Variants in BRINP3 observed in about 807,000 individuals in gnomAD.
BRINP3 encodes the protein BMP/retinoic acid-inducible neural-specific protein 3.
Under a neutral mutation model 71.0 loss-of-function variants are expected in BRINP3, and 19 were observed. That is an observed-to-expected ratio of 0.27 (90% confidence interval 0.19 to 0.39). BRINP3 has a LOEUF of 0.39. Among genes scored for constraint, BRINP3 ranks in the 10% least tolerant of loss-of-function variants. BRINP3 has a pLI of 1.00. For synonymous variants in BRINP3, 380 were observed against 337.7 expected (o/e 1.13, Z -1.37); for missense variants, 959 against 940.8 (o/e 1.02, Z -0.25).
chr1:190,178,514 G>A (rs1202895530), intron 6 of BRINP3, among the ~76,000 whole-genome samples: 3 of 152,058 alleles, frequency 2.0e-5, no homozygotes, highest in East Asian at 3.9e-4. Flanking sequence ...TACTGTATAG[G>A]ATCTAGAAGA....
At chr1:190,439,931 C>T (rs1274662043) in intron 2 of BRINP3, among the ~76,000 whole-genome samples, 1 of 151,722 alleles carries the variant, frequency 6.6e-6, no homozygotes, top group Non-Finnish European at 1.5e-5. Context: ...AAGAACTAGT[C>T]ATAGTGCATT....
In BRINP3 at chr1:190,098,948, G is replaced by A. The variant is rs145578989; in HGVS notation, c.1371C>T (p.Arg457=). ...SACLTCAPDN[R]TRCGTCNTGY... is the part of the protein sequence containing the mutation. ...CGGTGTTGCAGGTGCCGCAGCGGGT[G>A]CGGTTGTCTGGTGCGCATGTCAGGC... is the stretch of plus-strand genomic sequence containing the variant. The change falls in exon 8 of 8, where the codon CGC becomes CGT. Residue 457 remains arginine (R), a synonymous_variant. Transcript: ENST00000367462. The A allele has an allele frequency of 5.4e-3, 8,760 of 1,614,162 alleles. 40 individuals carry two copies. Among genetic ancestry groups the A allele is most frequent in the Middle Eastern group, 7.9e-3 (48 of 6,062 alleles).
chr1:190,130,968 C>T (rs1571786944), intron 7 of BRINP3, among the ~76,000 whole-genome samples: 1 of 151,858 alleles, frequency 6.6e-6, no homozygotes, highest in African/African-American at 2.4e-5. Flanking sequence ...CAGTATAATC[C>T]TGCTCCCTAT....
intron 2 of BRINP3, among the ~76,000 whole-genome samples, chr1:190,453,807 T>C (rs1675808499): frequency 1.3e-5 from 2 of 152,208 alleles, no homozygotes; most frequent in African/African-American, 4.8e-5. Context: ...AGTATCTACA[T>C]AGATACAGCC....
At chr1:190,123,369 C>T (rs1653838648) in intron 7 of BRINP3, among the ~76,000 whole-genome samples, 1 of 152,128 alleles carries the variant, frequency 6.6e-6, no homozygotes, top group Non-Finnish European at 1.5e-5. Context: ...CAGTCTCTGA[C>T]TCAGGAGTCT....
chr1:190,286,257 T>G (rs1663419215), intron 2 of BRINP3, among the ~76,000 whole-genome samples: 1 of 152,188 alleles, frequency 6.6e-6, no homozygotes, highest in Non-Finnish European at 1.5e-5. Flanking sequence ...ACAATGTTTA[T>G]TATAATTTTA....
chr1:190,203,152 C>T (rs1655156100), intron 6 of BRINP3, among the ~76,000 whole-genome samples: 1 of 151,994 alleles, frequency 6.6e-6, no homozygotes, highest in Non-Finnish European at 1.5e-5. Context: ...TTATGTATTA[C>T]TCTCTTTCAC....
At chr1:190,186,392 CA>C (rs1653527744) in intron 6 of BRINP3, among the ~76,000 whole-genome samples, 1 of 151,900 alleles carries the variant, frequency 6.6e-6, no homozygotes, top group Non-Finnish European at 1.5e-5. Flanking sequence ...AACCAACAAA[CA>C]AAAAAGTAAA....
At chr1:190,305,798 C>T (rs1197819172) in intron 2 of BRINP3, among the ~76,000 whole-genome samples, 2 of 151,450 alleles carry the variant, frequency 1.3e-5, no homozygotes, top group South Asian at 2.1e-4. Context: ...GGTTTTAAAA[C>T]CTCATTAGAA....
chr1:190,241,818 T>G (rs945066429), intron 4 of BRINP3, among the ~76,000 whole-genome samples: 2 of 151,798 alleles, frequency 1.3e-5, no homozygotes, highest in Non-Finnish European at 2.9e-5. Context: ...AAATTACATA[T>G]TGCTAAATCT....
At chr1:190,109,088 G>A (rs12407984) in intron 7 of BRINP3, among the ~76,000 whole-genome samples, 1,785 of 151,832 alleles carry the variant, frequency 0.012, 27 homozygotes, top group Middle Eastern at 0.051. Context: ...AGATATTATT[G>A]TTTTCTTTTT....
At chr1:190,352,169 A>T (rs1423470553) in intron 2 of BRINP3, among the ~76,000 whole-genome samples, 1 of 152,206 alleles carries the variant, frequency 6.6e-6, no homozygotes, top group East Asian at 1.9e-4. Context: ...TTCTGTGGAA[A>T]CCATAAAAGT....
At chr1:190,270,312 C>A (rs1661995120) in intron 3 of BRINP3, among the ~76,000 whole-genome samples, 1 of 150,972 alleles carries the variant, frequency 6.6e-6, no homozygotes, top group Non-Finnish European at 1.5e-5. Flanking sequence ...TGTTTAGGCA[C>A]TAGAAACATT....
Position 190,146,411 on chromosome 1 carries a change from G to A in BRINP3, c.1184+14257C>T, listed in dbSNP as rs552798949. ...TCATAAATCAAATTGCTACATACAC[G>A]TGAGTGTATTTGTAGACTTTGTAGC... is the stretch of plus-strand genomic sequence containing the variant. On this transcript the variant is annotated intron_variant, in intron 7 of 7. Transcript: ENST00000367462. 4.9e-4 allele frequency among the ~76,000 whole-genome samples: 75 copies of A among 152,166 alleles called. 1 individual carries two copies. Among genetic ancestry groups the A allele is most frequent in the African/African-American group, 1.6e-3 (68 of 41,514 alleles).
chr1:190,173,733 T>A (rs1652237562), intron 6 of BRINP3, among the ~76,000 whole-genome samples: 1 of 152,216 alleles, frequency 6.6e-6, no homozygotes. Flanking sequence ...CCATTTCATA[T>A]AAGTAACATA....
At chr1:190,280,536 A>T (rs958958924) in intron 3 of BRINP3, among the ~76,000 whole-genome samples, 1 of 151,872 alleles carries the variant, frequency 6.6e-6, no homozygotes, top group Non-Finnish European at 1.5e-5. Context: ...TATGGGGTAT[A>T]TTCTGGTGTA....
At chr1:190,275,907 C>T (rs1027071060) in intron 3 of BRINP3, among the ~76,000 whole-genome samples, 1 of 150,950 alleles carries the variant, frequency 6.6e-6, no homozygotes, top group South Asian at 2.1e-4. Flanking sequence ...AACAATATTG[C>T]TTTAACTTCA....
chr1:190,397,268 T>C (rs1378280808), intron 2 of BRINP3, among the ~76,000 whole-genome samples: 1 of 152,028 alleles, frequency 6.6e-6, no homozygotes, highest in East Asian at 1.9e-4. Context: ...TTTCATGTTC[T>C]ACTATCACCA....
At chr1:190,256,965 T>C (rs1396187988) in intron 4 of BRINP3, among the ~76,000 whole-genome samples, 1 of 152,158 alleles carries the variant, frequency 6.6e-6, no homozygotes, top group Non-Finnish European at 1.5e-5. Context: ...ATTATGTGTC[T>C]TGTGGTTGCT....
Sources: allele counts gnomAD v4.1 joint callset (sites outside exome capture counted in the v4.1 genomes callset), GRCh38; gene constraint gnomAD v4.1.1; transcripts MANE v1.5; gene names NCBI Gene and HGNC (gene_info 2026-07-23, HGNC 2026-07-21).